The following ERICH1 variants were observed in gnomAD, a reference collection of about 807,000 sequenced individuals.
ERICH1 encodes glutamate rich 1, also known as glutamate-rich protein 1.
ERICH1 carries 56 observed loss-of-function variants against 39.6 expected under a neutral mutation model. The ratio of observed to expected loss-of-function variants is 1.41; its 90% confidence interval spans 1.14 to 1.77. The LOEUF is 1.77. Among genes scored for constraint, ERICH1 ranks in the 40% most tolerant of loss-of-function variants. The pLI is 0.00. For synonymous variants in ERICH1, 313 were observed against 223.6 expected (o/e 1.40, Z -3.57); for missense variants, 826 against 575.4 (o/e 1.44, Z -4.45).
intron 2 of ERICH1, among the ~76,000 whole-genome samples, chr8:701,013 GGACA>G (rs1563301014): frequency 2.0e-5 from 3 of 152,246 alleles, no homozygotes; most frequent in African/African-American, 7.2e-5. Context: ...GCAGCATCAC[GGACA>G]ATGTGAATTG....
At chr8:704,355 G>C (rs1812799228) in intron 2 of ERICH1, among the ~76,000 whole-genome samples, 1 of 152,290 alleles carries the variant, frequency 6.6e-6, no homozygotes, top group African/African-American at 2.4e-5. Flanking sequence ...GCTGGGGGTG[G>C]AACAGTCTGG....
At chr8:689,122 C>CT (rs57288532) in intron 3 of ERICH1, among the ~76,000 whole-genome samples, 77,449 of 151,804 alleles carry the variant, frequency 0.51, 19,667 homozygotes, top group Middle Eastern at 0.61. Context: ...TCTTTTTTTT[C>CT]TTTTTTTGAG....
Position 621,169 on chromosome 8 carries a change from C to G in ERICH1, c.977-5885G>C, listed in dbSNP as rs548447625. On this transcript the variant is annotated intron_variant, in intron 3 of 3. Coordinates refer to the ERICH1 transcript ENST00000522706. Reference sequence around the variant, plus strand: ...AATTAAACAATACACTCCTAAATAACTAATGGATGAAAGAAGAAATTACAA... The same window carrying G: ...AATTAAACAATACACTCCTAAATAAGTAATGGATGAAAGAAGAAATTACAA... Among the ~76,000 whole-genome samples, 156 of 134,238 alleles carry G rather than the reference C, an allele frequency of 1.2e-3. 1 individual carries two copies. Among genetic ancestry groups the G allele is most frequent in the African/African-American group, 4.7e-3 (154 of 33,118 alleles). 88.1% of individuals were successfully genotyped at this position (134,238 alleles called of 152,430 possible). A position where few individuals can be genotyped will look rare whatever the true frequency, so the allele number is the denominator to read the frequency against.
intron 1 of ERICH1, among the ~76,000 whole-genome samples, chr8:721,445 C>T (rs939384523): frequency 2.6e-5 from 4 of 152,210 alleles, no homozygotes; most frequent in Admixed American, 6.5e-5. Context: ...ACGGACACGG[C>T]GCCACTTGGG....
chr8:731,103 T>TG (rs1819893463), intron 1 of ERICH1, 37 bp downstream of exon 1: 1 of 1,448,992 alleles, frequency 6.9e-7, no homozygotes, highest in East Asian at 2.9e-5. Context: ...GAGCCGGGTC[T>TG]GGGGTCTGGG....
chr8:708,341 G>A (rs753394484), intron 2 of ERICH1, among the ~76,000 whole-genome samples: 1 of 152,186 alleles, frequency 6.6e-6, no homozygotes, highest in Non-Finnish European at 1.5e-5. Context: ...ACAAGAACAT[G>A]TGCATGGATT....
At chr8:654,818 C>A (rs1585061347) in intron 3 of ERICH1, among the ~76,000 whole-genome samples, 1 of 152,180 alleles carries the variant, frequency 6.6e-6, no homozygotes, top group Non-Finnish European at 1.5e-5. Context: ...CAGGTAGATA[C>A]ACCATGGGTT....
chr8:669,650 C>G (rs141057025), intron 4 of ERICH1, among the ~76,000 whole-genome samples: 2 of 152,250 alleles, frequency 1.3e-5, no homozygotes, highest in African/African-American at 4.8e-5. Flanking sequence ...GTCCAACACA[C>G]GACTCAGGGC....
At chr8:634,553 C>A (rs1798278149) in intron 3 of ERICH1, among the ~76,000 whole-genome samples, 1 of 152,248 alleles carries the variant, frequency 6.6e-6, no homozygotes, top group Non-Finnish European at 1.5e-5. Flanking sequence ...GCACCTTCAA[C>A]AGCAGGTTTG....
At chr8:684,388 TAAA>T (rs1234117741) in intron 3 of ERICH1, among the ~76,000 whole-genome samples, 1 of 152,206 alleles carries the variant, frequency 6.6e-6, no homozygotes, top group East Asian at 1.9e-4. Context: ...ATAGTAAATT[TAAA>T]TAGAGTAAAT....
At chr8:633,648 A>G (rs1798192127) in intron 3 of ERICH1, among the ~76,000 whole-genome samples, 1 of 152,232 alleles carries the variant, frequency 6.6e-6, no homozygotes, top group Non-Finnish European at 1.5e-5. Context: ...GCCAAGCCAC[A>G]GGAATGAAAG....
intron 3 of ERICH1, among the ~76,000 whole-genome samples, chr8:645,030 G>C (rs1456623239): frequency 1.4e-5 from 1 of 69,022 alleles, no homozygotes; most frequent in African/African-American, 3.7e-5. Context: ...TCTCCTCTTT[G>C]CTTTCTGAAA....
rs1273831224 is a variant in ERICH1 at position 647,998 on chromosome 8, T to G, written c.976+20600A>C. On this transcript the variant is annotated intron_variant, in intron 3 of 3. Coordinates refer to the ERICH1 transcript ENST00000522706. ...GGAATGGACATGAGGACAACTCGTT[T>G]CTGCCACAGCAATGGAAACGTACAG... is the stretch of plus-strand genomic sequence containing the variant. Among the ~76,000 whole-genome samples, 2 of 68,132 alleles carry G rather than the reference T, an allele frequency of 2.9e-5. 1 individual carries two copies. The highest frequency in any genetic ancestry group is 7.6e-5 in the African/African-American group (2 of 26,166). 44.7% of individuals were successfully genotyped at this position (68,132 alleles called of 152,430 possible). A position where few individuals can be genotyped will look rare whatever the true frequency, so the allele number is the denominator to read the frequency against.
chr8:633,399 G>C (rs1447057886), intron 3 of ERICH1, among the ~76,000 whole-genome samples: 2 of 152,132 alleles, frequency 1.3e-5, no homozygotes, highest in Non-Finnish European at 2.9e-5. Context: ...CAACAGCATG[G>C]GTAAATCTCA....
At chr8:700,960 G>A (rs1361413588) in intron 2 of ERICH1, among the ~76,000 whole-genome samples, 1 of 152,274 alleles carries the variant, frequency 6.6e-6, no homozygotes, top group Non-Finnish European at 1.5e-5. Flanking sequence ...AATGACAGAG[G>A]AAAAGCAGCC....
Position 673,905 on chromosome 8 carries a change from T to C in ERICH1, c.447A>G (p.Arg149=), listed in dbSNP as rs147587246. The change falls in exon 4 of 6, where the codon CGA becomes CGG. Residue 149 remains arginine, a synonymous_variant. Transcript: ENST00000262109. ...QQSLLQEKSQ[R]QHTDGTTISK... ...TTATTGTGGTGCCATCTGTGTGCTG[T>C]CGCTGAGATTTCTCCTGTAACAGAC... is the stretch of plus-strand genomic sequence containing the variant. 1.5e-5 allele frequency: 25 copies of C among 1,613,590 alleles called. No homozygotes were observed. In the African/African-American group the frequency reaches 2.8e-4, roughly 18 times the overall value.
At chr8:683,150 C>T (rs1274007557) in intron 3 of ERICH1, among the ~76,000 whole-genome samples, 10 of 152,200 alleles carry the variant, frequency 6.6e-5, no homozygotes, top group South Asian at 2.1e-4. Context: ...TGTCCTGCCC[C>T]GGGCAGGGTG....
chr8:631,104 G>A (rs1269202686), intron 3 of ERICH1, among the ~76,000 whole-genome samples: 2 of 152,254 alleles, frequency 1.3e-5, no homozygotes, highest in Admixed American at 6.5e-5. Context: ...GGACAGAGCT[G>A]ACTCACACCC....
intron 5 of ERICH1, chr8:668,360 C>A (rs955877950): frequency 1.1e-5 from 6 of 554,478 alleles, no homozygotes; most frequent in Admixed American, 3.4e-5. Flanking sequence ...GAGTTGACAG[C>A]TCCCAAGTCC....
Sources: allele counts gnomAD v4.1 joint callset (sites outside exome capture counted in the v4.1 genomes callset), GRCh38; gene constraint gnomAD v4.1.1; transcripts MANE v1.5; gene names NCBI Gene and HGNC (gene_info 2026-07-23, HGNC 2026-07-21).